KIFC3: variants seen among roughly 807,000 people sequenced by gnomAD.
KIFC3 encodes kinesin family member C3.
A neutral mutation model predicts 101.8 loss-of-function variants in KIFC3; 60 were observed. The observed-to-expected ratio is 0.59, with a 90% CI of 0.48 to 0.73. The LOEUF is 0.73. Among genes scored for constraint, KIFC3 ranks in the 30% least tolerant of loss-of-function variants. The probability of loss-of-function intolerance (pLI) is 0.00; values close to 1 mark genes in which losing one functional copy is unlikely to be tolerated. For synonymous variants in KIFC3, 476 were observed against 482.7 expected (o/e 0.99, Z 0.18); for missense variants, 966 against 1,137.1 (o/e 0.85, Z 2.16).
rs1469719214 is a variant in KIFC3 at position 57,772,273 on chromosome 16, C to T, written c.331G>A (p.Glu111Lys). The part of the protein sequence containing the change: ...YLTLQVEHLK[E>K]KLISQAQEVS... ...TCCTGGGCCTGGCTAATGAGCTTCT[C>T]CTTCAGGTGTTCTACCTGTGGGCAC... Residue 111 changes from glutamate to lysine, a missense_variant, in exon 4 of 20, where the codon GAG becomes AAG. Transcript: ENST00000445690. 9 of 1,613,756 alleles carry T rather than the reference C, an allele frequency of 5.6e-6. No individual in the cohort carries two copies. Among genetic ancestry groups the T allele is most frequent in the Non-Finnish European group, 7.6e-6 (9 of 1,179,878 alleles).
At chr16:57,819,417 C>T (rs115181357) in intron 1 of KIFC3, among the ~76,000 whole-genome samples, 120 of 152,246 alleles carry the variant, frequency 7.9e-4, no homozygotes, top group African/African-American at 2.7e-3. Flanking sequence ...CATGACTTGG[C>T]GCAAGCAGGA....
intron 3 of KIFC3, among the ~76,000 whole-genome samples, chr16:57,785,966 G>A (rs192663972): frequency 2.0e-5 from 3 of 152,214 alleles, no homozygotes; most frequent in Non-Finnish European, 4.4e-5. Flanking sequence ...TGATGGGCCA[G>A]CCTCTCTCCA....
intron 1 of KIFC3, among the ~76,000 whole-genome samples, chr16:57,825,458 A>G (rs2055439179): frequency 6.6e-6 from 1 of 152,210 alleles, no homozygotes; most frequent in African/African-American, 2.4e-5. Context: ...ACACCATGCC[A>G]GGAGGACGCC....
In KIFC3 at chr16:57,766,263, G is replaced by A. The variant is rs551436396; in HGVS notation, c.1330+611C>T. ...ACCTGCCCTCCCTTTTCACCCATCCGTTCCAGCTCACTGTCCAGGTCTCAG... is the reference window on the plus strand; with the variant it reads ...ACCTGCCCTCCCTTTTCACCCATCCATTCCAGCTCACTGTCCAGGTCTCAG... On this transcript the variant is annotated intron_variant, in intron 10 of 19. Coordinates refer to ENST00000445690, the MANE Select transcript of KIFC3 (RefSeq NM_001130100.2). 2.0e-5 allele frequency among the ~76,000 whole-genome samples: 3 copies of A among 152,292 alleles called. No homozygotes were observed. In the East Asian group the frequency reaches 5.8e-4, roughly 29 times the overall value.
chr16:57,822,238 G>C (rs1175368962), intron 1 of KIFC3, among the ~76,000 whole-genome samples: 2 of 152,172 alleles, frequency 1.3e-5, no homozygotes, highest in African/African-American at 2.4e-5. Context: ...ACCTCTCTGA[G>C]CCTGTTTCCT....
chr16:57,832,363 G>A (rs913606045), intron 1 of KIFC3, among the ~76,000 whole-genome samples: 6 of 95,824 alleles, frequency 6.3e-5, no homozygotes, highest in South Asian at 3.9e-4. Flanking sequence ...ACAAAGTCTC[G>A]CCCAAGCTAG....
intron 1 of KIFC3, among the ~76,000 whole-genome samples, chr16:57,847,629 G>T (rs2055961594): frequency 6.6e-6 from 1 of 152,094 alleles, no homozygotes; most frequent in Non-Finnish European, 1.5e-5. Flanking sequence ...TCTGTTATAA[G>T]CAGGGGAGGG....
intron 1 of KIFC3, among the ~76,000 whole-genome samples, chr16:57,814,727 G>A (rs1309584150): frequency 6.6e-6 from 1 of 152,018 alleles, no homozygotes; most frequent in Non-Finnish European, 1.5e-5. Flanking sequence ...CCAGGTTCAA[G>A]CAATTCTCGT....
chr16:57,804,767 T>C (rs1305955791), upstream of KIFC3, among the ~76,000 whole-genome samples: 1 of 151,956 alleles, frequency 6.6e-6, no homozygotes, highest in Non-Finnish European at 1.5e-5. Context: ...TTTTTTTTTT[T>C]TTTAAGTAGA....
Position 57,769,792 on chromosome 16 carries a change from C to CA in KIFC3, c.1087+15dup, listed in dbSNP as rs376841727. On this transcript the variant is annotated intron_variant, in intron 8 of 19. Transcript: ENST00000445690. The surrounding 1 kb of genome is among the most constrained non-coding windows in gnomAD (Gnocchi z 4.3). The stretch of plus-strand genomic sequence containing the variant: ...GCCGCGGCGTGGGGCAGACAGGGCC[C>CA]AGCTGGTCAGCTCACCTGCTAGATT... The CA allele has an allele frequency of 5.2e-5, 84 of 1,613,154 alleles. No homozygotes were observed. In the Admixed American group the frequency reaches 5.3e-4, roughly 10 times the overall value.
intron 1 of KIFC3, among the ~76,000 whole-genome samples, chr16:57,837,057 T>C (rs1391738755): frequency 6.6e-6 from 1 of 152,046 alleles, no homozygotes; most frequent in Non-Finnish European, 1.5e-5. Context: ...GTGCATATAG[T>C]GTGTGTGTGT....
chr16:57,847,803 TGA>T (rs1555482877), intron 1 of KIFC3, among the ~76,000 whole-genome samples: 13 of 143,940 alleles, frequency 9.0e-5, no homozygotes, highest in East Asian at 4.0e-4. Context: ...TGTGTGTGTG[TGA>T]GACCGAGTCT....
intron 3 of KIFC3, among the ~76,000 whole-genome samples, chr16:57,778,302 A>G (rs570403092): frequency 1.4e-3 from 207 of 152,338 alleles, no homozygotes; most frequent in African/African-American, 4.7e-3. Context: ...AAAAAACCCC[A>G]AAGACCTAAA....
chr16:57,766,953 G>A lies in KIFC3; in HGVS notation c.1251C>T (p.Asn417=), dbSNP rs377710562. 1 of 1,613,316 alleles carries A rather than the reference G, an allele frequency of 6.2e-7. No individual in the cohort carries two copies. Among genetic ancestry groups the A allele is most frequent in the Non-Finnish European group, 8.5e-7 (1 of 1,179,984 alleles). ...IGQAIEEVNS[N]NQELLRKYRR... The stretch of plus-strand genomic sequence containing the variant: ...GGTACTTGCGCAGCAGCTCCTGGTT[G>A]TTGCTGTTGACCTCCTCGATGGCCT... Residue 417 remains asparagine, a synonymous_variant, in exon 10 of 20, where the codon AAC becomes AAT. Transcript: ENST00000445690.
chr16:57,797,709 T>A (rs528411024), intron 2 of KIFC3: 1 of 1,147,906 alleles, frequency 8.7e-7, no homozygotes, highest in South Asian at 2.1e-5. Context: ...ACCTACCTTG[T>A]TTACCAGCCT....
intron 1 of KIFC3, among the ~76,000 whole-genome samples, chr16:57,813,398 G>A (rs1443574052): frequency 6.6e-6 from 1 of 152,006 alleles, no homozygotes; most frequent in Non-Finnish European, 1.5e-5. Context: ...AGAAGCCAGA[G>A]GATCTTGGAG....
At chr16:57,856,212 G>C (rs2056164465) in intron 1 of KIFC3, among the ~76,000 whole-genome samples, 1 of 151,922 alleles carries the variant, frequency 6.6e-6, no homozygotes, top group Admixed American at 6.6e-5. Context: ...TGGGCACAGT[G>C]GCTCATGCCT....
rs146386887 is a variant in KIFC3, at chr16:57,783,472, C to CTT, written c.316-11186_316-11185dup. Among the ~76,000 whole-genome samples, 131 of 82,612 alleles carry CTT rather than the reference C, an allele frequency of 1.6e-3. 3 individuals are homozygous for CTT. The highest frequency in any genetic ancestry group is 4.1e-3 in the African/African-American group (117 of 28,500). 54.2% of individuals were successfully genotyped at this position (82,612 alleles called of 152,430 possible). On this transcript the variant is annotated intron_variant, in intron 3 of 19. Coordinates refer to ENST00000445690, the MANE Select transcript of KIFC3 (RefSeq NM_001130100.2). ...ATCTCCACAAAGCCCATTTTCTTTT[C>CTT]TTTTTTTTTTTTTTTTTGAGACAGA...
At position 57,769,778 on chromosome 16, in the gene KIFC3, G is replaced by C. The variant is rs1555606086; in HGVS notation, c.1087+30C>G. 1.9e-6 allele frequency: 3 copies of C among 1,612,788 alleles called. No individual in the cohort carries two copies. In the Admixed American group the frequency reaches 5.0e-5, roughly 27 times the overall value. On this transcript the variant is annotated intron_variant, in intron 8 of 19. Transcript: ENST00000445690. This position sits in a 1 kb window ranked among gnomAD's most constrained non-coding sequence, Gnocchi z 4.3. ...GGAGGGGATGAGGGGCCGCGGCGTG[G>C]GGCAGACAGGGCCCAGCTGGTCAGC...
Sources: gnomAD v4.1 joint callset for allele counts (sites outside exome capture counted in the v4.1 genomes callset) on GRCh38, gnomAD v4.1.1 for gene constraint, Gnocchi (gnomAD v3.1) non-coding constraint, MANE v1.5 for transcripts, NCBI Gene and HGNC (gene_info 2026-07-23, HGNC 2026-07-21) for gene names.